ACTR6: variants seen among roughly 807,000 people sequenced by gnomAD.
ACTR6 encodes the protein actin related protein 6, also known as actin-related protein 6.
ACTR6 carries 50 observed loss-of-function variants against 52.5 expected under a neutral mutation model. That is an observed-to-expected ratio of 0.95 (90% CI 0.76 to 1.20). The LOEUF (loss-of-function observed/expected upper bound fraction) is 1.20, where lower values mean the gene tolerates loss of function less well. ACTR6 is among the 50% of genes most tolerant of loss of function. The pLI, the probability that ACTR6 is intolerant of heterozygous loss-of-function variation, is 0.00. For synonymous variants in ACTR6, 135 were observed against 147.2 expected (o/e 0.92, Z 0.60); for missense variants, 344 against 472.4 (o/e 0.73, Z 2.52).
intron 8 of ACTR6, among the ~76,000 whole-genome samples, chr12:100,214,903 T>G (rs1213107490): frequency 6.6e-6 from 1 of 152,174 alleles, no homozygotes; most frequent in Non-Finnish European, 1.5e-5. Flanking sequence ...ATACGGAAGG[T>G]GTATTTTTTT....
At position 100,200,857 on chromosome 12, in the gene ACTR6, G is replaced by A. The variant is rs750623305; in HGVS notation, c.6G>A (p.Thr2=). The A allele has an allele frequency of 6.2e-7, 1 of 1,614,132 alleles. No homozygotes were observed. Reference sequence around the variant, plus strand: ...GCGGTGTGGTTGGTGGTGAGATGACGACCTTAGTGCTGGATAATGGAGCTT... The same window carrying A: ...GCGGTGTGGTTGGTGGTGAGATGACAACCTTAGTGCTGGATAATGGAGCTT... M[T]TLVLDNGAYN... The change falls in exon 1 of 11, where the codon ACG becomes ACA. Residue 2 remains threonine, a synonymous_variant. Coordinates refer to ENST00000188312, the MANE Select transcript of ACTR6 (RefSeq NM_022496.5).
Position 100,212,319 on chromosome 12 carries a change from GTC to G in ACTR6, c.639_640del (p.Gln214GlyfsTer4). On this transcript the variant is annotated frameshift_variant, in exon 7 of 11. Transcript: ENST00000188312. LOFTEE classifies it high-confidence loss of function. ...NQVKEDVCYV[S>X]QDFYRDMDIA... ...AAGTGAAAGAAGATGTATGCTATGT[GTC>G]TCAGGATTTTTATAGAGACATGGAT... 1 of 1,612,644 alleles carries G rather than the reference GTC, an allele frequency of 6.2e-7. No individual in the cohort carries two copies. Among genetic ancestry groups the G allele is most frequent in the Non-Finnish European group, 8.5e-7 (1 of 1,179,290 alleles).
rs1160516802 is a variant in ACTR6 at position 100,212,348 on chromosome 12, T to C, written c.665T>C (p.Ile222Thr). The stretch of plus-strand genomic sequence containing the variant: ...CAGGATTTTTATAGAGACATGGATA[T>C]TGCAAAGTATGTATAATGACAATCT... ...VSQDFYRDMDIAKLKGEENTV... is the reference protein window; with the variant it reads ...VSQDFYRDMDTAKLKGEENTV... The change falls in exon 7 of 11, where the codon ATT (isoleucine) becomes ACT (threonine). Residue 222 changes from isoleucine (I) to threonine (T), a missense_variant. Physicochemically the swap from Ile to Thr is moderately conservative, Grantham distance 89. Coordinates refer to ENST00000188312, the MANE Select transcript of ACTR6 (RefSeq NM_022496.5). 3.7e-6 allele frequency: 6 copies of C among 1,606,668 alleles called. No individual in the cohort carries two copies. Among genetic ancestry groups the C allele is most frequent in the East Asian group, 4.5e-5 (2 of 44,776 alleles).
At chr12:100,208,082 G>T in intron 4 of ACTR6, 1 of 270,336 alleles carries the variant, frequency 3.7e-6, no homozygotes, top group Admixed American at 5.0e-5. Context: ...GATCGTTTGA[G>T]CCTGGGAGGT....
chr12:100,213,598 G>A (rs1355360973), intron 8 of ACTR6, among the ~76,000 whole-genome samples: 1 of 152,134 alleles, frequency 6.6e-6, no homozygotes, highest in Non-Finnish European at 1.5e-5. Context: ...TTTAAATTGA[G>A]TTAGAAATTG....
At chr12:100,217,525 T>C (rs544490494) in intron 8 of ACTR6, among the ~76,000 whole-genome samples, 1 of 152,302 alleles carries the variant, frequency 6.6e-6, no homozygotes, top group African/African-American at 2.4e-5. Context: ...ATTTTAATGA[T>C]TTAGAATATT....
At chr12:100,222,756 TG>T (rs1307117261) in intron 10 of ACTR6, among the ~76,000 whole-genome samples, 1 of 152,174 alleles carries the variant, frequency 6.6e-6, no homozygotes, top group Non-Finnish European at 1.5e-5. Flanking sequence ...AACTCTAAAC[TG>T]GGGAAAAAGA....
At chr12:100,216,275 C>T (rs912770059) in intron 8 of ACTR6, among the ~76,000 whole-genome samples, 1 of 152,222 alleles carries the variant, frequency 6.6e-6, no homozygotes, top group Admixed American at 6.5e-5. Context: ...CCCACCTTAG[C>T]CTCCCAAGTA....
intron 8 of ACTR6, among the ~76,000 whole-genome samples, chr12:100,216,837 G>C (rs558761203): frequency 4.2e-4 from 64 of 152,252 alleles, no homozygotes; most frequent in Middle Eastern, 3.4e-3. Context: ...TGGGTTAAAA[G>C]TGATTTATAG....
At position 100,218,296 on chromosome 12, in the gene ACTR6, C is replaced by A; in HGVS notation, c.751-119C>A. ...CTAAATTTTGAGAATCCTGAAACTT[C>A]CAAGAACATTATTAATATATTATTA... On this transcript the variant is annotated intron_variant, in intron 8 of 10. Transcript: ENST00000188312. The surrounding 1 kb of genome is among the most constrained non-coding windows in gnomAD (Gnocchi z 4.2). 2 of 643,346 alleles carry A rather than the reference C, an allele frequency of 3.1e-6. No homozygotes were observed. Among genetic ancestry groups the A allele is most frequent in the Non-Finnish European group, 4.3e-6 (2 of 462,390 alleles). The allele number at this position is 643,346 out of a possible 1,614,324, so 39.9% of individuals were successfully genotyped here.
At chr12:100,201,340 G>A (rs768590836) in intron 1 of ACTR6, among the ~76,000 whole-genome samples, 3 of 152,126 alleles carry the variant, frequency 2.0e-5, no homozygotes, top group Non-Finnish European at 2.9e-5. Context: ...TAAAAATCAC[G>A]GTCTTAGGAT....
intron 8 of ACTR6, among the ~76,000 whole-genome samples, chr12:100,216,348 C>T (rs773122962): frequency 6.6e-5 from 10 of 152,160 alleles, no homozygotes; most frequent in Non-Finnish European, 1.3e-4. Context: ...TTTGTAGAGA[C>T]GAGGTACCAC....
chr12:100,210,475 T>C (rs944638210), intron 6 of ACTR6, 124 bp downstream of exon 6: 24 of 1,055,088 alleles, frequency 2.3e-5, no homozygotes, highest in Non-Finnish European at 3.0e-5. Flanking sequence ...TCCCAGCACA[T>C]TGGGAGGCCG....
chr12:100,210,953 C>T (rs7956098), intron 6 of ACTR6, among the ~76,000 whole-genome samples: 5,822 of 152,138 alleles, frequency 0.038, 153 homozygotes, highest in South Asian at 0.073. Context: ...GGCTTTCCAT[C>T]GCTATATGTT....
At chr12:100,209,375 A>C (rs938801058) in intron 4 of ACTR6, among the ~76,000 whole-genome samples, 1 of 152,132 alleles carries the variant, frequency 6.6e-6, no homozygotes, top group African/African-American at 2.4e-5. Flanking sequence ...TAAAAAATTA[A>C]CCAGGCATGG....
intron 4 of ACTR6, among the ~76,000 whole-genome samples, chr12:100,209,102 A>G (rs1330073235): frequency 6.6e-6 from 1 of 152,254 alleles, no homozygotes; most frequent in Admixed American, 6.5e-5. Flanking sequence ...GTGAGGGAGA[A>G]CAATCTGTAA....
In ACTR6 at chr12:100,220,137, T is replaced by G; in HGVS notation, c.1052T>G (p.Leu351Arg). ...TPTDYDVSVV[L>R]PENPITYAWE... ...ACAGATTATGATGTTTCTGTTGTGC[T>G]GCCTGAAAAGTAAGTGTTGTTTTAT... The change falls in exon 10 of 11, where the codon CTG becomes CGG. Residue 351 changes from leucine to arginine, a missense_variant. Transcript: ENST00000188312. 1.2e-6 allele frequency: 2 copies of G among 1,612,156 alleles called. No homozygotes were observed. Among genetic ancestry groups the G allele is most frequent in the Non-Finnish European group, 1.7e-6 (2 of 1,178,828 alleles).
At chr12:100,201,871 C>T (rs1279948608) in intron 1 of ACTR6, among the ~76,000 whole-genome samples, 1 of 151,884 alleles carries the variant, frequency 6.6e-6, no homozygotes, top group Admixed American at 6.6e-5. Context: ...AGTCTACCCG[C>T]GTTGGCCTCC....
chr12:100,210,022 C>T, intron 4 of ACTR6, 51 bp from the exon 5 acceptor site: 3 of 1,491,428 alleles, frequency 2.0e-6, no homozygotes, highest in South Asian at 1.3e-5. Flanking sequence ...TTTTTAATTG[C>T]TTTAAATTAG....
Sources: allele counts gnomAD v4.1 joint callset (sites outside exome capture counted in the v4.1 genomes callset), GRCh38; gene constraint gnomAD v4.1.1; non-coding constraint Gnocchi (gnomAD v3.1); transcripts MANE v1.5; gene names NCBI Gene and HGNC (gene_info 2026-07-23, HGNC 2026-07-21).